Variants in CSMD1 observed in about 807,000 individuals in gnomAD.
The protein encoded by CSMD1 is CUB and Sushi multiple domains 1, also known as CUB and sushi domain-containing protein 1.
A neutral mutation model predicts 417.5 loss-of-function variants in CSMD1; 213 were observed. The observed-to-expected ratio is 0.51, with a 90% CI of 0.46 to 0.57. The LOEUF (loss-of-function observed/expected upper bound fraction) is 0.57, where lower values mean the gene tolerates loss of function less well. Among genes scored for constraint, CSMD1 ranks in the 20% least tolerant of loss-of-function variants. CSMD1 has a pLI of 0.00. For synonymous variants in CSMD1, 2,862 were observed against 1,736.8 expected, an observed-to-expected ratio of 1.65 and a Z score of -16.11; for missense variants, 6,923 against 4,529.7, an observed-to-expected ratio of 1.53 and a Z score of -15.17.
intron 2 of CSMD1, among the ~76,000 whole-genome samples, chr8:4,463,784 G>A (rs73178987): frequency 2.6e-5 from 4 of 152,200 alleles, no homozygotes; most frequent in Non-Finnish European, 5.9e-5. Context: ...TGGATACTGG[G>A]TTTTTTGCAT....
At position 4,110,351 on chromosome 8, in the gene CSMD1, T is replaced by C. The variant is rs930904584; in HGVS notation, c.416-78252A>G. Among the ~76,000 whole-genome samples the C allele has an allele frequency of 5.9e-5, 9 of 152,254 alleles. No homozygotes were observed. The East Asian group carries it at 1.2e-3, about 20-fold the overall frequency. On this transcript the variant is annotated intron_variant, in intron 3 of 69. Coordinates refer to ENST00000635120, the MANE Select transcript of CSMD1 (RefSeq NM_033225.6). ...ATTTTTGGCCTCTAACTTCAGCCTA[T>C]GGATATGTATGTTTTTAATCTAAGG...
At chr8:3,536,575 T>G (rs1423406456) in intron 10 of CSMD1, among the ~76,000 whole-genome samples, 1 of 152,186 alleles carries the variant, frequency 6.6e-6, no homozygotes, top group African/African-American at 2.4e-5. Context: ...ATTCAGTACT[T>G]GGTAGTCACT....
chr8:3,753,373 C>T (rs1797463446), intron 6 of CSMD1, among the ~76,000 whole-genome samples: 1 of 151,972 alleles, frequency 6.6e-6, no homozygotes, highest in Admixed American at 6.6e-5. Flanking sequence ...ACCTTAGAAA[C>T]CAGAGAGAAA....
chr8:4,060,246 C>G (rs111756290), intron 3 of CSMD1, among the ~76,000 whole-genome samples: 2 of 148,010 alleles, frequency 1.4e-5, no homozygotes, highest in African/African-American at 5.0e-5. Context: ...TTCAACAACC[C>G]TTCATGCTAA....
intron 2 of CSMD1, among the ~76,000 whole-genome samples, chr8:4,592,835 A>G (rs1024874249): frequency 6.6e-6 from 1 of 152,184 alleles, no homozygotes; most frequent in Non-Finnish European, 1.5e-5. Flanking sequence ...TAATCATTGT[A>G]ATACTATTGA....
chr8:3,863,350 C>T (rs1173626651), intron 5 of CSMD1, among the ~76,000 whole-genome samples: 2 of 147,480 alleles, frequency 1.4e-5, no homozygotes, highest in Admixed American at 6.9e-5. Flanking sequence ...GAGTTGAGAT[C>T]GTGCCACTGC....
At chr8:4,272,678 C>A (rs144568845) in intron 3 of CSMD1, among the ~76,000 whole-genome samples, 5 of 152,204 alleles carry the variant, frequency 3.3e-5, no homozygotes, top group South Asian at 2.1e-4. Flanking sequence ...TGTAGATGAA[C>A]ATAAAATATA....
chr8:3,640,855 T>C (rs1797271246), intron 7 of CSMD1, among the ~76,000 whole-genome samples: 1 of 144,602 alleles, frequency 6.9e-6, no homozygotes, highest in Admixed American at 6.8e-5. Flanking sequence ...ACCTCACTAC[T>C]TTTTTTTTTA....
intron 10 of CSMD1, among the ~76,000 whole-genome samples, chr8:3,520,032 A>ATG: frequency 6.8e-6 from 1 of 146,768 alleles, no homozygotes; most frequent in East Asian, 2.0e-4. Context: ...ATATATATAT[A>ATG]TATATATACA....
At chr8:4,662,856 G>A (rs1486836577) in intron 1 of CSMD1, among the ~76,000 whole-genome samples, 1 of 152,194 alleles carries the variant, frequency 6.6e-6, no homozygotes, top group African/African-American at 2.4e-5. Flanking sequence ...TTGTCATGGT[G>A]TGGAAACGCG....
At chr8:4,147,916 C>G (rs377219596) in intron 3 of CSMD1, among the ~76,000 whole-genome samples, 105 of 152,186 alleles carry the variant, frequency 6.9e-4, no homozygotes, top group South Asian at 5.2e-3. Flanking sequence ...CTCGGAGGCT[C>G]CTGCAGCACA....
chr8:3,153,699 G>C (rs556479925), intron 39 of CSMD1, among the ~76,000 whole-genome samples: 24 of 152,162 alleles, frequency 1.6e-4, no homozygotes, highest in Non-Finnish European at 4.4e-5. Context: ...CTGCAGGAGG[G>C]GCTGGCCCAG....
Position 3,367,092 on chromosome 8 carries a change from G to T in CSMD1, c.3055C>A (p.Gln1019Lys). ...GAGAAGTCTGATATAAACCGAAGCTGGGCAGTGAAGTTTCCAAACAGGCCT... is the reference window on the plus strand; with the variant it reads ...GAGAAGTCTGATATAAACCGAAGCTTGGCAGTGAAGTTTCCAAACAGGCCT... ...KAGLFGNFTA[Q>K]LRFISDFSIS... is the part of the protein sequence containing the mutation. The change falls in exon 20 of 70, where the codon CAG becomes AAG. Residue 1019 changes from glutamine to lysine, a missense_variant. By Grantham distance (53) the Gln-to-Lys change is moderately conservative. Transcript: ENST00000635120. 6.2e-7 allele frequency: 1 copy of T among 1,613,798 alleles called. No individual in the cohort carries two copies.
intron 3 of CSMD1, among the ~76,000 whole-genome samples, chr8:4,269,880 G>A (rs1308694152): frequency 2.0e-5 from 3 of 152,120 alleles, no homozygotes; most frequent in South Asian, 2.1e-4. Flanking sequence ...CATCATTACT[G>A]GAGTTTATAT....
intron 2 of CSMD1, among the ~76,000 whole-genome samples, chr8:4,462,361 A>T (rs572723022): frequency 1.3e-5 from 2 of 152,300 alleles, no homozygotes; most frequent in South Asian, 4.1e-4. Context: ...AAATAAATGG[A>T]AAAATATTTC....
intron 12 of CSMD1, among the ~76,000 whole-genome samples, chr8:3,459,411 G>C (rs1816358101): frequency 6.6e-6 from 1 of 152,154 alleles, no homozygotes; most frequent in African/African-American, 2.4e-5. Context: ...TTGCAATGCA[G>C]CACCAGTGCC....
chr8:3,765,953 C>G (rs994069805), intron 5 of CSMD1, among the ~76,000 whole-genome samples: 11 of 152,152 alleles, frequency 7.2e-5, no homozygotes, highest in African/African-American at 2.7e-4. Flanking sequence ...TGGATGCCAG[C>G]AAATCAGGCA....
intron 10 of CSMD1, among the ~76,000 whole-genome samples, chr8:3,536,718 C>T (rs1022659799): frequency 4.6e-5 from 7 of 152,230 alleles, no homozygotes; most frequent in South Asian, 2.1e-4. Flanking sequence ...CTCCCTCCTC[C>T]GGTCTTGCAG....
chr8:3,943,958 A>C (rs1009808566), intron 5 of CSMD1, among the ~76,000 whole-genome samples: 1 of 152,144 alleles, frequency 6.6e-6, no homozygotes, highest in African/African-American at 2.4e-5. Context: ...GTAAAATTTG[A>C]ATTAGGTCTG....
Sources: allele counts gnomAD v4.1 joint callset (sites outside exome capture counted in the v4.1 genomes callset), GRCh38; gene constraint gnomAD v4.1.1; transcripts MANE v1.5; gene names NCBI Gene and HGNC (gene_info 2026-07-23, HGNC 2026-07-21).